The following PARD3B variants were observed in gnomAD, a reference collection of about 807,000 sequenced individuals.
PARD3B encodes the protein partitioning defective 3 homolog B.
Under a neutral mutation model 130.2 loss-of-function variants are expected in PARD3B, and 103 were observed. The ratio of observed to expected loss-of-function variants is 0.79; its 90% confidence interval spans 0.67 to 0.93. The LOEUF is 0.93. Ranked by LOEUF, PARD3B falls within the 40% of genes least tolerant of loss-of-function variation. The pLI is 0.00. For synonymous variants in PARD3B, 583 were observed against 553.2 expected, an observed-to-expected ratio of 1.05 and a Z score of -0.76; for missense variants, 1,609 against 1,499.2, an observed-to-expected ratio of 1.07 and a Z score of -1.21.
chr2:205,035,324 T>A (rs1422795851), intron 3 of PARD3B, among the ~76,000 whole-genome samples: 2 of 152,170 alleles, frequency 1.3e-5, no homozygotes, highest in Non-Finnish European at 2.9e-5. Context: ...TACTTGTAAC[T>A]ATGAAACTGC....
At chr2:205,468,092 G>A (rs946304770) in intron 20 of PARD3B, among the ~76,000 whole-genome samples, 12 of 152,270 alleles carry the variant, frequency 7.9e-5, no homozygotes, top group Admixed American at 2.6e-4. Flanking sequence ...TGCTTTGCCC[G>A]AAAGGAAGGC....
chr2:205,395,672 C>T (rs917941764), intron 18 of PARD3B, among the ~76,000 whole-genome samples: 1 of 152,168 alleles, frequency 6.6e-6, no homozygotes, highest in Non-Finnish European at 1.5e-5. Context: ...TTCTCAATGG[C>T]CACTTCTCTA....
chr2:205,340,383 G>T (rs1163559674), intron 18 of PARD3B, among the ~76,000 whole-genome samples: 1 of 152,066 alleles, frequency 6.6e-6, no homozygotes, highest in East Asian at 1.9e-4. Context: ...AAAGCAGCAT[G>T]ATATTAGTAT....
intron 2 of PARD3B, among the ~76,000 whole-genome samples, chr2:204,733,240 T>A (rs1234749864): frequency 6.6e-6 from 1 of 152,178 alleles, no homozygotes; most frequent in Admixed American, 6.5e-5. Context: ...CTTAGTGATA[T>A]ACAATAATAC....
chr2:204,565,046 C>G (rs1033696798), intron 1 of PARD3B, among the ~76,000 whole-genome samples: 1 of 152,210 alleles, frequency 6.6e-6, no homozygotes, highest in African/African-American at 2.4e-5. Flanking sequence ...TGGGAAGAAT[C>G]TGCTCCAAGC....
intron 3 of PARD3B, among the ~76,000 whole-genome samples, chr2:204,988,654 A>G (rs1317283835): frequency 6.6e-6 from 1 of 152,196 alleles, no homozygotes; most frequent in Non-Finnish European, 1.5e-5. Context: ...AAATAAATGA[A>G]TTTGTGACCT....
chr2:205,124,026 T>C (rs539100663), intron 8 of PARD3B, among the ~76,000 whole-genome samples: 10 of 152,312 alleles, frequency 6.6e-5, no homozygotes, highest in African/African-American at 2.2e-4. Flanking sequence ...AGGTTATGGT[T>C]TATTGAGAAG....
chr2:205,012,979 A>T (rs1187761345), intron 3 of PARD3B, among the ~76,000 whole-genome samples: 1 of 152,214 alleles, frequency 6.6e-6, no homozygotes, highest in Non-Finnish European at 1.5e-5. Context: ...GCATAAGCAG[A>T]AGAATAAGAT....
At chr2:204,897,705 A>G (rs2046691657) in intron 2 of PARD3B, among the ~76,000 whole-genome samples, 1 of 152,100 alleles carries the variant, frequency 6.6e-6, no homozygotes, top group African/African-American at 2.4e-5. Flanking sequence ...TTGATGGTTA[A>G]GTTACCTCAA....
intron 2 of PARD3B, among the ~76,000 whole-genome samples, chr2:204,899,342 C>T (rs1036530677): frequency 5.3e-5 from 8 of 150,608 alleles, no homozygotes; most frequent in East Asian, 2.0e-4. Context: ...TTCTCTGCTG[C>T]GCTGTTTTAA....
chr2:205,006,071 T>C (rs772369049), intron 3 of PARD3B, among the ~76,000 whole-genome samples: 2 of 152,322 alleles, frequency 1.3e-5, no homozygotes, highest in East Asian at 1.9e-4. Flanking sequence ...TATTTGGTTT[T>C]CCATTCCTGA....
Position 205,021,148 on chromosome 2 carries a change from T to C in PARD3B, c.395-26433T>C, listed in dbSNP as rs1464380334. On this transcript the variant is annotated intron_variant, in intron 3 of 22. Coordinates refer to ENST00000406610, the MANE Select transcript of PARD3B (RefSeq NM_001302769.2). This position sits in a 1 kb window ranked among gnomAD's most constrained non-coding sequence, Gnocchi z 4.5. ...TTTCTAATACAGCAAATAAAGCAAA[T>C]TGGAATGATTTCATGAACCTGTGTA... 6.6e-6 allele frequency among the ~76,000 whole-genome samples: 1 copy of C among 152,020 alleles called. No homozygotes were observed. The highest frequency in any genetic ancestry group is 1.5e-5 in the Non-Finnish European group (1 of 67,996).
intron 2 of PARD3B, among the ~76,000 whole-genome samples, chr2:204,937,823 A>T (rs561811298): frequency 4.6e-5 from 7 of 152,310 alleles, no homozygotes; most frequent in Admixed American, 3.3e-4. Flanking sequence ...TGGGTACCCA[A>T]GTAAATATGT....
At chr2:204,749,121 T>C (rs2125382881) in intron 2 of PARD3B, among the ~76,000 whole-genome samples, 1 of 152,246 alleles carries the variant, frequency 6.6e-6, no homozygotes, top group Admixed American at 6.5e-5. Flanking sequence ...CTGTTAATTA[T>C]CTCAAGTGCA....
intron 21 of PARD3B, among the ~76,000 whole-genome samples, chr2:205,508,547 G>A (rs1054675751): frequency 2.1e-4 from 31 of 148,462 alleles, no homozygotes; most frequent in African/African-American, 6.5e-4. Flanking sequence ...ATTCCAGCTC[G>A]GGCAACAGAG....
intron 21 of PARD3B, among the ~76,000 whole-genome samples, chr2:205,507,778 T>A (rs2050430367): frequency 1.3e-5 from 2 of 152,242 alleles, no homozygotes; most frequent in Non-Finnish European, 2.9e-5. Flanking sequence ...CTTCCCTTTG[T>A]GTATTCTCCT....
intron 21 of PARD3B, among the ~76,000 whole-genome samples, chr2:205,552,147 TG>T (rs1295328614): frequency 6.6e-6 from 1 of 152,186 alleles, no homozygotes; most frequent in African/African-American, 2.4e-5. Context: ...GGCCAGTCAC[TG>T]CCCTTTAGGA....
At chr2:204,665,044 G>T (rs1221196467) in intron 1 of PARD3B, among the ~76,000 whole-genome samples, 1 of 151,508 alleles carries the variant, frequency 6.6e-6, no homozygotes, top group Non-Finnish European at 1.5e-5. Context: ...AGAATGTGGT[G>T]GGGAGTGGCT....
At chr2:204,999,253 C>T (rs1010669621) in intron 3 of PARD3B, among the ~76,000 whole-genome samples, 1 of 152,028 alleles carries the variant, frequency 6.6e-6, no homozygotes, top group Non-Finnish European at 1.5e-5. Flanking sequence ...CATCATTTAC[C>T]TCATTGCTAC....
Sources: gnomAD v4.1 joint callset for allele counts (sites outside exome capture counted in the v4.1 genomes callset) on GRCh38, gnomAD v4.1.1 for gene constraint, Gnocchi (gnomAD v3.1) non-coding constraint, MANE v1.5 for transcripts, NCBI Gene and HGNC (gene_info 2026-07-23, HGNC 2026-07-21) for gene names.